Variants in SYNPO2L observed in about 807,000 individuals in gnomAD.
SYNPO2L encodes synaptopodin 2 like.
A neutral mutation model predicts 47.5 loss-of-function variants in SYNPO2L; 34 were observed. The ratio of observed to expected loss-of-function variants is 0.72; its 90% CI spans 0.54 to 0.95. SYNPO2L has a LOEUF of 0.95. Ranked by LOEUF, SYNPO2L falls within the 40% of genes least tolerant of loss-of-function variation. The pLI, the probability that SYNPO2L is intolerant of heterozygous loss-of-function variation, is 0.00. For missense variants in SYNPO2L, 1,246 were observed against 1,282.0 expected (o/e 0.97, Z 0.43); for synonymous variants, 536 against 524.9 (o/e 1.02, Z -0.29).
rs2081730856 is a variant in SYNPO2L at position 73,644,947 on chromosome 10, A to G, written c.*1771T>C. On this transcript the variant is annotated 3_prime_UTR_variant, in exon 4 of 4. Coordinates refer to ENST00000394810, the MANE Select transcript of SYNPO2L (RefSeq NM_001114133.3). ...GTATTGTGACTCACACCCAACAAGC[A>G]AAGGAAATTATCACTTTCCAGATTA... 8.4e-7 allele frequency: 1 copy of G among 1,187,784 alleles called. No individual in the cohort carries two copies. The highest frequency in any genetic ancestry group is 1.7e-5 in the African/African-American group (1 of 59,930). 73.6% of individuals were successfully genotyped at this position (1,187,784 alleles called of 1,614,324 possible). A position where few individuals can be genotyped will look rare whatever the true frequency, so the allele number is the denominator to read the frequency against.
rs557290954 is a variant in SYNPO2L at position 73,653,976 on chromosome 10, G to A, written c.257+153C>T. 512 of 1,032,718 alleles carry A rather than the reference G, an allele frequency of 5.0e-4. 3 individuals carry two copies. In the South Asian group the frequency reaches 8.1e-3, roughly 16 times the overall value. 64.0% of individuals were successfully genotyped at this position (1,032,718 alleles called of 1,614,324 possible). A position where few individuals can be genotyped will look rare whatever the true frequency, so the allele number is the denominator to read the frequency against. ...AATTGCAGATACATTCAAGCCCTCTGGGAGGCAGACACAAACCATCTGCAC... is the reference window on the plus strand; with the variant it reads ...AATTGCAGATACATTCAAGCCCTCTAGGAGGCAGACACAAACCATCTGCAC... On this transcript the variant is annotated intron_variant, in intron 2 of 3. Transcript: ENST00000394810.
chr10:73,647,725 C>G lies in SYNPO2L; in HGVS notation c.1927G>C (p.Glu643Gln), dbSNP rs747421994. 6.2e-7 allele frequency: 1 copy of G among 1,614,132 alleles called. No individual in the cohort carries two copies. Among genetic ancestry groups the G allele is most frequent in the South Asian group, 1.1e-5 (1 of 91,072 alleles). The change falls in exon 4 of 4, where the codon GAG (glutamate) becomes CAG (glutamine). Residue 643 changes from glutamate (E) to glutamine (Q), a missense_variant. Physicochemically the swap from Glu to Gln is conservative, Grantham distance 29. This residue lies in a region of SYNPO2L where 1,037 missense variants were observed against 1,021.5 expected (regional missense o/e 1.02). Coordinates refer to ENST00000394810, the MANE Select transcript of SYNPO2L (RefSeq NM_001114133.3). ...TCGGGGTTGGGCGAGTTCTTCGTCT[C>G]CTCCTTTCCCGGCCGGAACATCTGC... is the stretch of plus-strand genomic sequence containing the variant. Reference protein sequence around the residue: ...RKQMFRPGKEETKNSPNPELL... With the variant: ...RKQMFRPGKEQTKNSPNPELL...
Position 73,647,818 on chromosome 10 carries a change from G to C in SYNPO2L, c.1834C>G (p.Gln612Glu), listed in dbSNP as rs1405867641. The change falls in exon 4 of 4, where the codon CAG (glutamine) becomes GAG (glutamate). Residue 612 changes from glutamine (Q) to glutamate (E), a missense_variant. Gln to Glu is a conservative substitution (Grantham distance 29). Transcript: ENST00000394810. ...GAPEPPSARE[Q>E]RISVPAARTG... ...CGGGCAGCTGGCACAGAGATGCGCT[G>C]CTCGCGAGCGCTGGGGGGCTCAGGA... 6 of 1,591,998 alleles carry C rather than the reference G, an allele frequency of 3.8e-6. No individual in the cohort carries two copies. The African/African-American group carries it at 6.7e-5, about 18-fold the overall frequency.
Position 73,654,281 on chromosome 10 carries a change from C to A in SYNPO2L, c.106-1G>T, listed in dbSNP as rs1447950304. 4 of 1,551,310 alleles carry A rather than the reference C, an allele frequency of 2.6e-6. No homozygotes were observed. Among genetic ancestry groups the A allele is most frequent in the Admixed American group, 3.9e-5 (2 of 50,964 alleles). On this transcript the variant is annotated splice_acceptor_variant, in intron 1 of 3. Coordinates refer to ENST00000394810, the MANE Select transcript of SYNPO2L (RefSeq NM_001114133.3). LOFTEE classifies it high-confidence loss of function. Reference sequence around the variant, plus strand: ...TGCCAGCCTGGCTCCGTCTTCGAATCTGAGATGTTGAAGGAGACACTGTAG... The same window carrying A: ...TGCCAGCCTGGCTCCGTCTTCGAATATGAGATGTTGAAGGAGACACTGTAG...
chr10:73,655,974 A>G lies in SYNPO2L; in HGVS notation c.-52T>C, dbSNP rs995687810. The G allele has an allele frequency of 4.3e-5, 63 of 1,472,334 alleles. No individual in the cohort carries two copies. Among genetic ancestry groups the G allele is most frequent in the Non-Finnish European group, 5.4e-5 (59 of 1,094,022 alleles). 91.2% of individuals were successfully genotyped at this position (1,472,334 alleles called of 1,614,324 possible). On this transcript the variant is annotated 5_prime_UTR_variant, in exon 1 of 4. Coordinates refer to ENST00000394810, the MANE Select transcript of SYNPO2L (RefSeq NM_001114133.3). The stretch of plus-strand genomic sequence containing the variant: ...AGTTTGAACAGTGTCCCCAGGAGAG[A>G]AGTTGAGGTGCTCGAACCCCGTCTG...
In SYNPO2L at chr10:73,647,124, C is replaced by T. The variant is rs746407710; in HGVS notation, c.2528G>A (p.Gly843Asp). The change falls in exon 4 of 4, where the codon GGC becomes GAC. Residue 843 changes from glycine to aspartate, a missense_variant. By Grantham distance (94) the Gly-to-Asp change is moderately conservative. Transcript: ENST00000394810. ...CCGCATAAAATCTAGAGCCTTGATGCCCTGCTTGGGTGTTGCCCGAGGCCC... is the reference window on the plus strand; with the variant it reads ...CCGCATAAAATCTAGAGCCTTGATGTCCTGCTTGGGTGTTGCCCGAGGCCC... ...SQGPRATPKQ[G>D]IKALDFMRHQ... is the part of the protein sequence containing the mutation. 1 of 1,612,848 alleles carries T rather than the reference C, an allele frequency of 6.2e-7. No homozygotes were observed. Among genetic ancestry groups the T allele is most frequent in the Non-Finnish European group, 8.5e-7 (1 of 1,179,792 alleles).
At chr10:73,651,532 G>C (rs1007085414) in intron 3 of SYNPO2L, among the ~76,000 whole-genome samples, 3 of 152,184 alleles carry the variant, frequency 2.0e-5, no homozygotes, top group Non-Finnish European at 4.4e-5. Flanking sequence ...GTCTCTGTGG[G>C]AAAGCACGGG....
Position 73,653,274 on chromosome 10 carries a change from G to T in SYNPO2L, c.637C>A (p.Pro213Thr). 1 of 1,550,106 alleles carries T rather than the reference G, an allele frequency of 6.5e-7. No homozygotes were observed. The highest frequency in any genetic ancestry group is 8.7e-7 in the Non-Finnish European group (1 of 1,146,166). The change falls in exon 3 of 4, where the codon CCC becomes ACC. Residue 213 changes from proline to threonine, a missense_variant. Physicochemically the swap from Pro to Thr is conservative, Grantham distance 38 (BLOSUM62 -1). Transcript: ENST00000394810. ...GGTAACAGCAGAGCCTCAGCTGGGG[G>T]TGGCTGAAGGGCTGCCCCATCCTCC... The part of the protein sequence containing the change: ...SWEDGAALQP[P>T]PAEALLLPHG...
At chr10:73,649,992 G>A (rs1028148419) in intron 3 of SYNPO2L, 1 of 985,428 alleles carries the variant, frequency 1.0e-6, no homozygotes, top group East Asian at 1.1e-4. Flanking sequence ...GAGAGCTCAG[G>A]CAGCCACTGC....
chr10:73,648,046 T>C lies in SYNPO2L; in HGVS notation c.1606A>G (p.Ser536Gly). Reference protein sequence around the residue: ...PSHAPVSGSPSTPRSSGPVTA... With the variant: ...PSHAPVSGSPGTPRSSGPVTA... ...ACAGGGCCCGAGGAGCGTGGGGTGC[T>C]GGGGGAACCAGAGACTGGCGCGTGG... The change falls in exon 4 of 4, where the codon AGC (serine) becomes GGC (glycine). Residue 536 changes from serine (S) to glycine (G), a missense_variant. Physicochemically the swap from Ser to Gly is moderately conservative, Grantham distance 56. Around this residue, in one of 3 missense-constraint regions of SYNPO2L, gnomAD observed 1,037 missense variants for 1,021.5 expected, o/e 1.02. Transcript: ENST00000394810. 1.3e-6 allele frequency: 2 copies of C among 1,583,196 alleles called. No individual in the cohort carries two copies. Among genetic ancestry groups the C allele is most frequent in the Non-Finnish European group, 1.7e-6 (2 of 1,166,840 alleles).
At position 73,646,991 on chromosome 10, in the gene SYNPO2L, A is replaced by G. The variant is rs2081761015; in HGVS notation, c.2661T>C (p.Ile887=). ...GSPKTARVQE[I]RRFSTPAPQP... ...GGGGTGCCGGAGTGGAAAACCGGCG[A>G]ATCTCCTGGACTCGGGCAGTTTTGG... is the stretch of plus-strand genomic sequence containing the variant. The change falls in exon 4 of 4, where the codon ATT becomes ATC. Residue 887 remains isoleucine, a synonymous_variant. Transcript: ENST00000394810. 4 of 1,612,796 alleles carry G rather than the reference A, an allele frequency of 2.5e-6. No individual in the cohort carries two copies. The Middle Eastern group carries it at 6.6e-4, about 266-fold the overall frequency.
In SYNPO2L at chr10:73,647,610, G is replaced by T. The variant is rs939132708; in HGVS notation, c.2042C>A (p.Ala681Asp). The T allele has an allele frequency of 1.2e-6, 2 of 1,614,166 alleles. No individual in the cohort carries two copies. Among genetic ancestry groups the T allele is most frequent in the Non-Finnish European group, 8.5e-7 (1 of 1,180,018 alleles). ...TGGCTGCATGAAGTTGCAGGCTTCA[G>T]CCCCGAGGCTCAGAGCATCTTCTTC... ...GPEEDALSLG[A>D]EACNFMQPVG... The change falls in exon 4 of 4, where the codon GCT (alanine) becomes GAT (aspartate). Residue 681 changes from alanine to aspartate, a missense_variant. Around this residue, in one of 3 missense-constraint regions of SYNPO2L, gnomAD observed 1,037 missense variants for 1,021.5 expected, o/e 1.02. Coordinates refer to ENST00000394810, the MANE Select transcript of SYNPO2L (RefSeq NM_001114133.3).
chr10:73,649,908 A>G (rs1222657267), intron 3 of SYNPO2L: 2 of 985,334 alleles, frequency 2.0e-6, no homozygotes, highest in Non-Finnish European at 2.4e-6. Context: ...GTCGCCAGCT[A>G]AATATATTAT....
rs1393235113 is a variant in SYNPO2L at position 73,653,185 on chromosome 10, C to T, written c.726G>A (p.Val242=). 6.9e-7 allele frequency: 1 copy of T among 1,456,498 alleles called. No homozygotes were observed. The highest frequency in any genetic ancestry group is 2.7e-5 in the Admixed American group (1 of 37,108). The allele number at this position is 1,456,498 out of a possible 1,614,324, so 90.2% of individuals were successfully genotyped here. A position where few individuals can be genotyped will look rare whatever the true frequency, so the allele number is the denominator to read the frequency against. Reference sequence around the variant, plus strand: ...TGTAGGTGGTAGTAAGATCTTCTGCCACTGGGTGGGGAACAGGCCCCACCA... The same window carrying T: ...TGTAGGTGGTAGTAAGATCTTCTGCTACTGGGTGGGGAACAGGCCCCACCA... ...IPMVGPVPHP[V]AEDLTTTYTQ... is the part of the protein sequence containing the mutation. The change falls in exon 3 of 4, where the codon GTG becomes GTA. Residue 242 remains valine, a synonymous_variant. Coordinates refer to ENST00000394810, the MANE Select transcript of SYNPO2L (RefSeq NM_001114133.3).
chr10:73,648,438 A>G lies in SYNPO2L; in HGVS notation c.1214T>C (p.Leu405Pro). The change falls in exon 4 of 4, where the codon CTG becomes CCG. Residue 405 changes from leucine (L) to proline (P), a missense_variant. This residue lies in a region of SYNPO2L where 1,037 missense variants were observed against 1,021.5 expected (regional missense o/e 1.02). Transcript: ENST00000394810. Reference protein sequence around the residue: ...RQRADSSTQELARVEPAAMLN... With the variant: ...RQRADSSTQEPARVEPAAMLN... ...CATGGCTGCTGGTTCGACCCGTGCC[A>G]GTTCCTGGGTGCTGGAGTCTGCGCG... 1.9e-6 allele frequency: 3 copies of G among 1,609,570 alleles called. No individual in the cohort carries two copies. The highest frequency in any genetic ancestry group is 2.5e-6 in the Non-Finnish European group (3 of 1,179,838).
In SYNPO2L at chr10:73,648,772, C is replaced by G. The variant is rs769101035; in HGVS notation, c.880G>C (p.Gly294Arg). The change falls in exon 4 of 4, where the codon GGG (glycine) becomes CGG (arginine). Residue 294 changes from glycine (G) to arginine (R), a missense_variant. Physicochemically the swap from Gly to Arg is moderately radical, Grantham distance 125. Coordinates refer to ENST00000394810, the MANE Select transcript of SYNPO2L (RefSeq NM_001114133.3). ...LTAAPNPHSK[G>R]VLMFKKRRQR... The stretch of plus-strand genomic sequence containing the variant: ...CGCCGTTTCTTAAACATAAGTACCC[C>G]TTTGGAGTGGGGGTTGGGGGCTGCA... 6.2e-7 allele frequency: 1 copy of G among 1,610,982 alleles called. No individual in the cohort carries two copies. Among genetic ancestry groups the G allele is most frequent in the South Asian group, 1.1e-5 (1 of 90,664 alleles).
chr10:73,649,435 A>G (rs935461541), intron 3 of SYNPO2L, among the ~76,000 whole-genome samples: 5 of 152,196 alleles, frequency 3.3e-5, no homozygotes, highest in African/African-American at 1.2e-4. Context: ...TTCATTCACA[A>G]TTCCACCCTC....
rs1463138895 is a variant in SYNPO2L at position 73,656,012 on chromosome 10, G to A, written c.-90C>T. 16 of 1,136,422 alleles carry A rather than the reference G, an allele frequency of 1.4e-5. No individual in the cohort carries two copies. In the Admixed American group the frequency reaches 2.1e-4, roughly 15 times the overall value. The allele number at this position is 1,136,422 out of a possible 1,614,324, so 70.4% of individuals were successfully genotyped here. A position where few individuals can be genotyped will look rare whatever the true frequency, so the allele number is the denominator to read the frequency against. On this transcript the variant is annotated 5_prime_UTR_variant, in exon 1 of 4. Coordinates refer to ENST00000394810, the MANE Select transcript of SYNPO2L (RefSeq NM_001114133.3). ...CGAACCCCGTCTGGGCTTCCTGTCCGGCTGTCCTGCTCCTGCTGCCCCAGG... is the reference window on the plus strand; with the variant it reads ...CGAACCCCGTCTGGGCTTCCTGTCCAGCTGTCCTGCTCCTGCTGCCCCAGG...
rs1160474189 is a variant in SYNPO2L at position 73,653,465 on chromosome 10, G to T, written c.446C>A (p.Ala149Asp). 1.3e-6 allele frequency: 2 copies of T among 1,551,596 alleles called. No individual in the cohort carries two copies. The highest frequency in any genetic ancestry group is 2.4e-5 in the South Asian group (2 of 84,062). Residue 149 changes from alanine (A) to aspartate (D), a missense_variant, in exon 3 of 4, where the codon GCC becomes GAC. Ala to Asp is a moderately radical substitution (Grantham distance 126, BLOSUM62 -2). Coordinates refer to ENST00000394810, the MANE Select transcript of SYNPO2L (RefSeq NM_001114133.3). Reference sequence around the variant, plus strand: ...AGGTCGACGGGGCTTCTCCTGGGTGGCAGGGCCATCAGCATCACTGTCAGT... The same window carrying T: ...AGGTCGACGGGGCTTCTCCTGGGTGTCAGGGCCATCAGCATCACTGTCAGT... ...GETDSDADGP[A>D]TQEKPRRPRR...
Sources: gnomAD v4.1 joint callset for allele counts (sites outside exome capture counted in the v4.1 genomes callset) on GRCh38, gnomAD v4.1.1 for gene constraint, gnomAD v4.1.1 regional missense constraint, MANE v1.5 for transcripts, NCBI Gene and HGNC (gene_info 2026-07-23, HGNC 2026-07-21) for gene names.